PPP1R21: variants seen among roughly 807,000 people sequenced by gnomAD.
PPP1R21 encodes the protein KLRAQ motif containing 1.
Under a neutral mutation model 112.8 loss-of-function variants are expected in PPP1R21, and 85 were observed. That is an observed-to-expected ratio of 0.75 (90% CI 0.63 to 0.90). PPP1R21 has a LOEUF of 0.90. Among genes scored for constraint, PPP1R21 ranks in the 40% least tolerant of loss-of-function variants. The pLI, the probability that PPP1R21 is intolerant of heterozygous loss-of-function variation, is 0.00. For missense variants in PPP1R21, 1,199 were observed against 901.5 expected (o/e 1.33, Z -4.23); for synonymous variants, 381 against 322.3 (o/e 1.18, Z -1.95).
At chr2:48,445,471 C>G (rs549523395) in intron 1 of PPP1R21, among the ~76,000 whole-genome samples, 5 of 152,168 alleles carry the variant, frequency 3.3e-5, no homozygotes, top group Admixed American at 6.5e-5. Flanking sequence ...GTCTAAATGA[C>G]TCACTTGAAG....
In PPP1R21 at chr2:48,505,431, TC is replaced by T. The variant is rs201179407; in HGVS notation, c.1936-131del. 848 of 699,138 alleles carry T rather than the reference TC, an allele frequency of 1.2e-3. 3 individuals are homozygous for T. Among genetic ancestry groups the T allele is most frequent in the African/African-American group, 6.2e-3 (352 of 56,350 alleles). The allele number at this position is 699,138 out of a possible 1,614,324, so 43.3% of individuals were successfully genotyped here. On this transcript the variant is annotated intron_variant, in intron 17 of 21. Transcript: ENST00000294952. ...TTCATGTCCTTGTAGTAAAAGACAG[TC>T]CAAGGATGATCTTCTAGTTCTGTAC...
chr2:48,511,406 A>G lies in PPP1R21; in HGVS notation c.2251A>G (p.Ser751Gly). 1 of 1,614,164 alleles carries G rather than the reference A, an allele frequency of 6.2e-7. No individual in the cohort carries two copies. Among genetic ancestry groups the G allele is most frequent in the Non-Finnish European group, 8.5e-7 (1 of 1,180,000 alleles). The change falls in exon 21 of 22, where the codon AGC becomes GGC. Residue 751 changes from serine to glycine, a missense_variant. By Grantham distance (56) the Ser-to-Gly change is moderately conservative. Transcript: ENST00000294952. The stretch of plus-strand genomic sequence containing the variant: ...AAGTATGATGAGTGACCACCTGTGC[A>G]GCATGAATGAGACATTATCTAAACA... ...QLSMMSDHLC[S>G]MNETLSKQRE...
chr2:48,505,198 G>A (rs566455055), intron 17 of PPP1R21, among the ~76,000 whole-genome samples: 37 of 152,276 alleles, frequency 2.4e-4, no homozygotes, highest in African/African-American at 7.2e-4. Flanking sequence ...TATGGTCACC[G>A]TAAAAACGTC....
chr2:48,496,914 C>T (rs752588899), intron 16 of PPP1R21, among the ~76,000 whole-genome samples: 2 of 152,332 alleles, frequency 1.3e-5, no homozygotes, highest in Non-Finnish European at 2.9e-5. Context: ...GTGGCATGCC[C>T]AGGGAGGACA....
intron 1 of PPP1R21, among the ~76,000 whole-genome samples, chr2:48,445,766 C>G (rs1013390484): frequency 1.3e-5 from 2 of 152,160 alleles, no homozygotes; most frequent in African/African-American, 4.8e-5. Flanking sequence ...TTTTTCCTGC[C>G]TCAGTGACAA....
intron 3 of PPP1R21, among the ~76,000 whole-genome samples, chr2:48,456,220 C>G (rs1449176712): frequency 1.4e-5 from 2 of 146,674 alleles, no homozygotes; most frequent in Non-Finnish European, 3.0e-5. Context: ...TAATCTGGTA[C>G]TTTTGAACAT....
chr2:48,457,787 G>C (rs1667790683), intron 3 of PPP1R21, among the ~76,000 whole-genome samples: 1 of 152,170 alleles, frequency 6.6e-6, no homozygotes, highest in Non-Finnish European at 1.5e-5. Context: ...AGATCAAATT[G>C]AAATGATATT....
rs188950093 is a variant in PPP1R21 at position 48,504,731 on chromosome 2, C to T, written c.1936-833C>T. 2.9e-3 allele frequency among the ~76,000 whole-genome samples: 447 copies of T among 152,336 alleles called. 1 individual carries two copies. Among genetic ancestry groups the T allele is most frequent in the Admixed American group, 5.4e-3 (82 of 15,308 alleles). On this transcript the variant is annotated intron_variant, in intron 17 of 21. Coordinates refer to ENST00000294952, the MANE Select transcript of PPP1R21 (RefSeq NM_001135629.3). ...ACTGAGTTTCCAGTAGTTTCCTTGT[C>T]ATTGTGCCCAAGCACATGCCCCACC...
At chr2:48,484,236 A>G (rs1187549244) in intron 13 of PPP1R21, among the ~76,000 whole-genome samples, 2 of 152,094 alleles carry the variant, frequency 1.3e-5, no homozygotes, top group East Asian at 1.9e-4. Flanking sequence ...ATCCTATACC[A>G]ATAAACTGGA....
chr2:48,459,678 A>G, intron 4 of PPP1R21, 76 bp from the exon 5 acceptor site: 2 of 1,488,432 alleles, frequency 1.3e-6, no homozygotes, highest in Non-Finnish European at 1.8e-6. Context: ...TGCTCAGTGA[A>G]TAGTCACTGC....
At chr2:48,481,108 C>T (rs1668991199) in intron 13 of PPP1R21, among the ~76,000 whole-genome samples, 1 of 152,246 alleles carries the variant, frequency 6.6e-6, no homozygotes, top group Non-Finnish European at 1.5e-5. Context: ...TCTGCCTCAG[C>T]CTCCCAAGTA....
In PPP1R21 at chr2:48,507,972, C is replaced by T. The variant is rs1670465579; in HGVS notation, c.2085+587C>T. Among the ~76,000 whole-genome samples the T allele has an allele frequency of 6.0e-5, 9 of 150,618 alleles. No individual in the cohort carries two copies. The South Asian group carries it at 1.9e-3, about 32-fold the overall frequency. On this transcript the variant is annotated intron_variant, in intron 19 of 21. Coordinates refer to ENST00000294952, the MANE Select transcript of PPP1R21 (RefSeq NM_001135629.3). ...TAGAGATGGAGTTTCACCATGTTGG[C>T]CAGGCTGGTCTTGAACTCCTGACCT...
intron 17 of PPP1R21, among the ~76,000 whole-genome samples, chr2:48,505,257 G>A (rs1670322444): frequency 6.6e-6 from 1 of 152,218 alleles, no homozygotes. Context: ...GAAATGGCAA[G>A]TTGTGGTTAA....
At position 48,454,640 on chromosome 2, in the gene PPP1R21, G is replaced by A; in HGVS notation, c.172G>A (p.Glu58Lys). 6.2e-7 allele frequency: 1 copy of A among 1,614,084 alleles called. No homozygotes were observed. Among genetic ancestry groups the A allele is most frequent in the Non-Finnish European group, 8.5e-7 (1 of 1,179,940 alleles). The change falls in exon 3 of 22, where the codon GAA (glutamate) becomes AAA (lysine). Residue 58 changes from glutamate to lysine, a missense_variant. Coordinates refer to ENST00000294952, the MANE Select transcript of PPP1R21 (RefSeq NM_001135629.3). Reference protein sequence around the residue: ...KDQSLRKLQQEMDSLTFRNLQ... With the variant: ...KDQSLRKLQQKMDSLTFRNLQ... ...TCAGTCATTGAGAAAACTACAACAG[G>A]AAATGGACAGTTTGACATTTCGAAA... is the stretch of plus-strand genomic sequence containing the variant.
In PPP1R21 at chr2:48,459,814, A is replaced by G. The variant is rs753871601; in HGVS notation, c.436A>G (p.Thr146Ala). 1 of 1,614,090 alleles carries G rather than the reference A, an allele frequency of 6.2e-7. No individual in the cohort carries two copies. Among genetic ancestry groups the G allele is most frequent in the Non-Finnish European group, 8.5e-7 (1 of 1,180,034 alleles). ...VEAELRSRLA[T>A]LETEAAQHQA... Reference sequence around the variant, plus strand: ...AGCAGAGCTGAGGAGTCGACTGGCCACTCTGGAGACAGAAGCAGCCCAGCA... The same window carrying G: ...AGCAGAGCTGAGGAGTCGACTGGCCGCTCTGGAGACAGAAGCAGCCCAGCA... Residue 146 changes from threonine (T) to alanine (A), a missense_variant, in exon 5 of 22, where the codon ACT becomes GCT. Thr to Ala is a moderately conservative substitution (Grantham distance 58, BLOSUM62 0). Transcript: ENST00000294952.
chr2:48,449,290 T>C (rs933968542), intron 1 of PPP1R21, among the ~76,000 whole-genome samples: 3 of 152,216 alleles, frequency 2.0e-5, no homozygotes, highest in African/African-American at 2.4e-5. Flanking sequence ...AGGTTTCTTA[T>C]CTGGTTCTCA....
intron 19 of PPP1R21, among the ~76,000 whole-genome samples, chr2:48,508,667 C>T (rs1439754248): frequency 6.6e-6 from 1 of 152,204 alleles, no homozygotes; most frequent in Admixed American, 6.5e-5. Flanking sequence ...CTTGATTGTC[C>T]TTTTCACAAG....
At chr2:48,496,292 C>G (rs146186525) in intron 16 of PPP1R21, among the ~76,000 whole-genome samples, 37 of 152,218 alleles carry the variant, frequency 2.4e-4, no homozygotes, top group African/African-American at 8.7e-4. Flanking sequence ...TAAATGGAAT[C>G]TCTCTCTCTG....
At chr2:48,468,560 C>G (rs1668307199) in intron 9 of PPP1R21, among the ~76,000 whole-genome samples, 1 of 152,118 alleles carries the variant, frequency 6.6e-6, no homozygotes, top group African/African-American at 2.4e-5. Flanking sequence ...CACCTGTAAT[C>G]CTAGTACTTT....
Sources: gnomAD v4.1 joint callset for allele counts (sites outside exome capture counted in the v4.1 genomes callset) on GRCh38, gnomAD v4.1.1 for gene constraint, MANE v1.5 for transcripts, NCBI Gene and HGNC (gene_info 2026-07-23, HGNC 2026-07-21) for gene names.